Variants in DSC1 observed in about 807,000 individuals in gnomAD.
DSC1 encodes the protein desmocollin-1.
In DSC1, 79 loss-of-function variants were observed where a neutral mutation model predicts 98.8. The observed-to-expected ratio is 0.80, with a 90% confidence interval of 0.67 to 0.96. The LOEUF (loss-of-function observed/expected upper bound fraction) is 0.96. Ranked by LOEUF, DSC1 falls within the 50% of genes least tolerant of loss-of-function variation. The probability of loss-of-function intolerance (pLI) is 0.00; values close to 1 mark genes in which losing one functional copy is unlikely to be tolerated. For synonymous variants in DSC1, 405 were observed against 372.1 expected, an observed-to-expected ratio of 1.09 and a Z score of -1.02; for missense variants, 1,115 against 1,075.9, an observed-to-expected ratio of 1.04 and a Z score of -0.51.
intron 7 of DSC1, among the ~76,000 whole-genome samples, 199 bp from the exon 8 acceptor site, chr18:31,143,990 A>T (rs749015595): frequency 1.3e-5 from 2 of 152,054 alleles, no homozygotes; most frequent in Non-Finnish European, 2.9e-5. Context: ...GCTCACAGCA[A>T]CCTCTGCCTC....
At chr18:31,131,961 T>G in intron 14 of DSC1, 119 bp from the exon 15 acceptor site, 1 of 1,186,322 alleles carries the variant, frequency 8.4e-7, no homozygotes, top group Non-Finnish European at 1.2e-6. Flanking sequence ...TCCTCATACA[T>G]AAAATCAGAA....
In DSC1 at chr18:31,157,500, A is replaced by G. The variant is rs1450657023; in HGVS notation, c.222T>C (p.Asp74=). The change falls in exon 3 of 16, where the codon GAT becomes GAC. Residue 74 remains aspartate, a synonymous_variant. Transcript: ENST00000257198. ...GGTCATGTGTTGTGTAAATTGAGCCATCTTCTAGAATTCTGAAGGCAGGGT... is the reference window on the plus strand; with the variant it reads ...GGTCATGTGTTGTGTAAATTGAGCCGTCTTCTAGAATTCTGAAGGCAGGGT... ...SSDPAFRILE[D]GSIYTTHDLI... The G allele has an allele frequency of 1.2e-6, 2 of 1,614,230 alleles. No homozygotes were observed. The highest frequency in any genetic ancestry group is 1.7e-6 in the Non-Finnish European group (2 of 1,180,030).
In DSC1 at chr18:31,157,482, T is replaced by A; in HGVS notation, c.240A>T (p.Thr80=). The change falls in exon 3 of 16, where the codon ACA becomes ACT. Residue 80 remains threonine (T), a synonymous_variant. Transcript: ENST00000257198. ...TTTCAGAAGACAAAATGAGGTCATGTGTTGTGTAAATTGAGCCATCTTCTA... is the reference window on the plus strand; with the variant it reads ...TTTCAGAAGACAAAATGAGGTCATGAGTTGTGTAAATTGAGCCATCTTCTA... ...RILEDGSIYT[T]HDLILSSERK... 6.2e-7 allele frequency: 1 copy of A among 1,614,146 alleles called. No individual in the cohort carries two copies. The highest frequency in any genetic ancestry group is 8.5e-7 in the Non-Finnish European group (1 of 1,180,020).
chr18:31,142,052 AG>A lies in DSC1; in HGVS notation c.1206del (p.Phe403SerfsTer2), dbSNP rs759120775. 1 of 1,612,696 alleles carries A rather than the reference AG, an allele frequency of 6.2e-7. No homozygotes were observed. The highest frequency in any genetic ancestry group is 8.5e-7 in the Non-Finnish European group (1 of 1,179,592). ...YKILQGNENG[N>X]FIISTDPNTN... ...GTATTTGGATCTGTGCTAATTATGA[AG>A]TTTCCATTTTCATTTCCTTGTAGGA... On this transcript the variant is annotated frameshift_variant, in exon 9 of 16. Transcript: ENST00000257198. LOFTEE classifies it high-confidence loss of function.
At chr18:31,150,299 A>G (rs1481737194) in intron 5 of DSC1, among the ~76,000 whole-genome samples, 1 of 136,646 alleles carries the variant, frequency 7.3e-6, no homozygotes, top group Non-Finnish European at 1.6e-5. Context: ...CACCACTACC[A>G]TCATCACCAC....
intron 5 of DSC1, among the ~76,000 whole-genome samples, chr18:31,153,717 C>G (rs978915252): frequency 4.6e-5 from 7 of 152,170 alleles, no homozygotes; most frequent in Non-Finnish European, 1.0e-4. Flanking sequence ...ATTTCACACT[C>G]TTCCTTAGCT....
In DSC1 at chr18:31,154,866, T is replaced by C. The variant is rs1345759789; in HGVS notation, c.535A>G (p.Lys179Glu). Residue 179 changes from lysine to glutamate, a missense_variant, in exon 5 of 16, where the codon AAA becomes GAA. Physicochemically the swap from Lys to Glu is moderately conservative, Grantham distance 56 (BLOSUM62 1). Coordinates refer to ENST00000257198, the MANE Select transcript of DSC1 (RefSeq NM_024421.2). Reference sequence around the variant, plus strand: ...ATGTAAAACAAATTGAAGGGTTCTTTGTCCACGCCTGGCCCACTTATGGAA... The same window carrying C: ...ATGTAAAACAAATTGAAGGGTTCTTCGTCCACGCCTGGCCCACTTATGGAA... ...FYSISGPGVD[K>E]EPFNLFYIEK... 2.5e-6 allele frequency: 4 copies of C among 1,614,000 alleles called. No individual in the cohort carries two copies. The African/African-American group carries it at 4.0e-5, about 16-fold the overall frequency.
chr18:31,130,019 G>C lies in DSC1; in HGVS notation c.*495C>G, dbSNP rs1988449766. 6.4e-6 allele frequency: 1 copy of C among 157,244 alleles called. No homozygotes were observed. Among genetic ancestry groups the C allele is most frequent in the African/African-American group, 2.4e-5 (1 of 41,458 alleles). The allele number at this position is 157,244 out of a possible 1,614,324, so 9.7% of individuals were successfully genotyped here. On this transcript the variant is annotated 3_prime_UTR_variant, in exon 16 of 16. Coordinates refer to ENST00000257198, the MANE Select transcript of DSC1 (RefSeq NM_024421.2). Reference sequence around the variant, plus strand: ...GAACTTAATCACAAAACTGAAGATTGCACTGAAGAATACTTAAAAGTCCTT... The same window carrying C: ...GAACTTAATCACAAAACTGAAGATTCCACTGAAGAATACTTAAAAGTCCTT...
At chr18:31,137,806 C>A (rs1184958342) in intron 11 of DSC1, among the ~76,000 whole-genome samples, 1 of 152,094 alleles carries the variant, frequency 6.6e-6, no homozygotes, top group Non-Finnish European at 1.5e-5. Context: ...AGGAGCAATG[C>A]TACTCTAGGT....
chr18:31,131,770 CACCAACAGT>C lies in DSC1; in HGVS notation c.2302_2310del (p.Thr768_Gly770del), dbSNP rs760206589. 26 of 1,614,124 alleles carry C rather than the reference CACCAACAGT, an allele frequency of 1.6e-5. No homozygotes were observed. In the Middle Eastern group the frequency reaches 8.2e-4, roughly 51 times the overall value. ...CTTTGCTGTGTTTTGATTCCCTGGCCACCAACAGTACCAACAGACATGCTTGTGTCACAA... is the reference window on the plus strand; with the variant it reads ...CTTTGCTGTGTTTTGATTCCCTGGCCACCAACAGACATGCTTGTGTCACAA... On this transcript the variant is annotated inframe_deletion, in exon 15 of 16. Coordinates refer to ENST00000257198, the MANE Select transcript of DSC1 (RefSeq NM_024421.2).
intron 2 of DSC1, among the ~76,000 whole-genome samples, 181 bp from the exon 3 acceptor site, chr18:31,157,754 G>A (rs1466626418): frequency 6.6e-6 from 1 of 152,128 alleles, no homozygotes; most frequent in Admixed American, 6.5e-5. Context: ...TTATATTAAT[G>A]GAGTCACATT....
At position 31,145,490 on chromosome 18, in the gene DSC1, C is replaced by T. The variant is rs189171856; in HGVS notation, c.939+121G>A. 9.0e-6 allele frequency: 10 copies of T among 1,106,294 alleles called. 1 individual carries two copies. Among genetic ancestry groups the T allele is most frequent in the Middle Eastern group, 5.2e-4 (2 of 3,846 alleles). 68.5% of individuals were successfully genotyped at this position (1,106,294 alleles called of 1,614,324 possible). ...AGGACATCTCCAGAGAAGCCCTAAC[C>T]GCAGCCTACAGAAGCATGCTGAGAA... On this transcript the variant is annotated intron_variant, in intron 7 of 15. Coordinates refer to ENST00000257198, the MANE Select transcript of DSC1 (RefSeq NM_024421.2).
chr18:31,134,511 T>C (rs768137216), intron 12 of DSC1, 61 bp downstream of exon 12: 5 of 1,299,802 alleles, frequency 3.8e-6, no homozygotes, highest in Admixed American at 2.5e-5. Flanking sequence ...TAAACTAAGG[T>C]GAAAGAACCA....
intron 5 of DSC1, chr18:31,150,803 C>T (rs1988987594): frequency 6.6e-6 from 1 of 152,142 alleles, no homozygotes; most frequent in Non-Finnish European, 1.5e-5. Flanking sequence ...TATTAGATTA[C>T]AGTTGCTGTC....
At chr18:31,134,997 C>T (rs1988579794) in intron 11 of DSC1, among the ~76,000 whole-genome samples, 1 of 152,010 alleles carries the variant, frequency 6.6e-6, no homozygotes, top group Non-Finnish European at 1.5e-5. Context: ...TCTTCAGATG[C>T]TTTTCAAAAC....
Position 31,159,047 on chromosome 18 carries a change from G to GTTTTGTTTTTT in DSC1, c.148+397_148+398insAAAAAACAAAA, listed in dbSNP as rs1555646386. ...TTTAACTTCAAGTAGCTACTATGTGGTTTTTTTTTTTTTTTTTGAGACAGA... is the reference window on the plus strand; with the variant it reads ...TTTAACTTCAAGTAGCTACTATGTGGTTTTGTTTTTTTTTTTTTTTTTTTTTTTGAGACAGA... On this transcript the variant is annotated intron_variant, in intron 2 of 15. Transcript: ENST00000257198. Among the ~76,000 whole-genome samples the GTTTTGTTTTTT allele has an allele frequency of 6.0e-4, 43 of 71,096 alleles. 4 individuals carry two copies. The highest frequency in any genetic ancestry group is 2.4e-3 in the African/African-American group (42 of 17,174). 46.6% of individuals were successfully genotyped at this position (71,096 alleles called of 152,430 possible). A position where few individuals can be genotyped will look rare whatever the true frequency, so the allele number is the denominator to read the frequency against.
intron 11 of DSC1, among the ~76,000 whole-genome samples, chr18:31,139,300 C>T (rs1170834448): frequency 6.6e-6 from 1 of 151,984 alleles, no homozygotes; most frequent in Non-Finnish European, 1.5e-5. Context: ...ATGATTTGTT[C>T]TCCATTAAGA....
chr18:31,131,811 G>A lies in DSC1; in HGVS notation c.2270C>T (p.Ser757Phe), dbSNP rs1468758042. 3 of 1,613,972 alleles carry A rather than the reference G, an allele frequency of 1.9e-6. No individual in the cohort carries two copies. Among genetic ancestry groups the A allele is most frequent in the African/African-American group, 2.7e-5 (2 of 74,930 alleles). Residue 757 changes from serine (S) to phenylalanine (F), a missense_variant, in exon 15 of 16, where the codon TCC becomes TTC. Physicochemically the swap from Ser to Phe is radical, Grantham distance 155. Coordinates refer to ENST00000257198, the MANE Select transcript of DSC1 (RefSeq NM_024421.2). The part of the protein sequence containing the change: ...EANIRLPMQT[S>F]NICDTSMSVG... ...AGACATGCTTGTGTCACAAATGTTGGATGTCTGCATGGGGAGTCTAATATT... is the reference window on the plus strand; with the variant it reads ...AGACATGCTTGTGTCACAAATGTTGAATGTCTGCATGGGGAGTCTAATATT...
chr18:31,136,567 GAGA>G (rs1169570789), intron 11 of DSC1, among the ~76,000 whole-genome samples: 1 of 152,194 alleles, frequency 6.6e-6, no homozygotes, highest in Non-Finnish European at 1.5e-5. Context: ...AGACAAAGCT[GAGA>G]AGGTCTTAGA....
Sources: allele counts gnomAD v4.1 joint callset (sites outside exome capture counted in the v4.1 genomes callset), GRCh38; gene constraint gnomAD v4.1.1; transcripts MANE v1.5; gene names NCBI Gene and HGNC (gene_info 2026-07-23, HGNC 2026-07-21).